TNRC6B: variants seen among roughly 807,000 people sequenced by gnomAD.
The protein encoded by TNRC6B is trinucleotide repeat-containing gene 6B protein.
Under a neutral mutation model 203.6 loss-of-function variants are expected in TNRC6B, and 52 were observed. That is an observed-to-expected ratio of 0.26 (90% confidence interval 0.20 to 0.32). The LOEUF is 0.32. Among genes scored for constraint, TNRC6B ranks in the 10% least tolerant of loss-of-function variants. The probability of loss-of-function intolerance (pLI) is 1.00; values close to 1 mark genes in which losing one functional copy is unlikely to be tolerated. For synonymous variants in TNRC6B, 838 were observed against 845.7 expected (o/e 0.99, Z 0.16); for missense variants, 1,923 against 2,286.2 (o/e 0.84, Z 3.24).
intron 2 of TNRC6B, among the ~76,000 whole-genome samples, chr22:40,124,413 C>T (rs1055224859): frequency 6.6e-6 from 1 of 151,112 alleles, no homozygotes; most frequent in African/African-American, 2.4e-5. Context: ...GCCTTGACCT[C>T]CTGGACTCAA....
chr22:40,303,745 A>T (rs1332499142), intron 15 of TNRC6B, among the ~76,000 whole-genome samples: 2 of 152,060 alleles, frequency 1.3e-5, no homozygotes, highest in African/African-American at 4.8e-5. Context: ...CCCCGTCTCT[A>T]CTAAAAATAC....
At chr22:40,259,724 ATAGAT>A (rs1276009385) in intron 3 of TNRC6B, among the ~76,000 whole-genome samples, 3 of 152,178 alleles carry the variant, frequency 2.0e-5, no homozygotes, top group Non-Finnish European at 4.4e-5. Context: ...CAGTAGTGGC[ATAGAT>A]TGGGCCGCCT....
At chr22:40,050,392 T>G (rs1194374473) in intron 1 of TNRC6B, among the ~76,000 whole-genome samples, 1 of 152,202 alleles carries the variant, frequency 6.6e-6, no homozygotes, top group Non-Finnish European at 1.5e-5. Context: ...CTGAGCATCT[T>G]AACTGCAAGG....
chr22:40,086,097 C>A (rs1393247085), intron 1 of TNRC6B, among the ~76,000 whole-genome samples: 1 of 152,128 alleles, frequency 6.6e-6, no homozygotes, highest in African/African-American at 2.4e-5. Context: ...TCTTGAGCTC[C>A]TGGGCTCAAG....
intron 3 of TNRC6B, among the ~76,000 whole-genome samples, chr22:40,139,667 T>G (rs896408145): frequency 4.6e-5 from 7 of 152,306 alleles, no homozygotes; most frequent in African/African-American, 1.7e-4. Context: ...TTGATGAATA[T>G]TTGGATGATT....
At chr22:40,239,828 TC>T (rs2070003167) in intron 1 of TNRC6B, among the ~76,000 whole-genome samples, 1 of 152,096 alleles carries the variant, frequency 6.6e-6, no homozygotes, top group South Asian at 2.1e-4. Flanking sequence ...TTGGGTATTT[TC>T]TTTTTTTGTT....
At chr22:40,080,519 A>G (rs1030077428) in intron 1 of TNRC6B, among the ~76,000 whole-genome samples, 28 of 152,164 alleles carry the variant, frequency 1.8e-4, no homozygotes, top group Non-Finnish European at 3.8e-4. Context: ...CACATTTCTT[A>G]TGATAAGATA....
rs1203433269 is a variant in TNRC6B at position 40,217,155 on chromosome 22, C to G, written c.6-28860C>G. Among the ~76,000 whole-genome samples the G allele has an allele frequency of 2.0e-5, 3 of 152,170 alleles. No homozygotes were observed. In the East Asian group the frequency reaches 5.8e-4, roughly 29 times the overall value. On this transcript the variant is annotated intron_variant, in intron 1 of 22. Coordinates refer to ENST00000454349, the MANE Select transcript of TNRC6B (RefSeq NM_001162501.2). ...TCCTCCTAACCTTGGAAGCATTTCC[C>G]TCATTGTTCCTTGTCTTCATTACTG...
At chr22:40,173,674 A>G (rs2069025637), upstream of TNRC6B, among the ~76,000 whole-genome samples, 1 of 148,762 alleles carries the variant, frequency 6.7e-6, no homozygotes, top group Admixed American at 6.7e-5. Context: ...TTGGCCTCCC[A>G]AAGTGCTGGG....
chr22:40,317,451 G>T (rs944448697), intron 21 of TNRC6B, among the ~76,000 whole-genome samples: 1 of 152,164 alleles, frequency 6.6e-6, no homozygotes, highest in Non-Finnish European at 1.5e-5. Context: ...AGTGGCACAC[G>T]CCTGTAGTCC....
chr22:40,125,257 A>T (rs879841039), intron 2 of TNRC6B, among the ~76,000 whole-genome samples: 2 of 152,204 alleles, frequency 1.3e-5, no homozygotes, highest in Non-Finnish European at 2.9e-5. Context: ...AAAAATGAAA[A>T]GTGGGGCCAG....
intron 1 of TNRC6B, among the ~76,000 whole-genome samples, chr22:40,224,011 G>C (rs1214409449): frequency 6.6e-6 from 1 of 151,910 alleles, no homozygotes; most frequent in Non-Finnish European, 1.5e-5. Flanking sequence ...GTGTTGTTTT[G>C]TTTTGTTTTT....
intron 1 of TNRC6B, among the ~76,000 whole-genome samples, chr22:40,102,733 T>A (rs1398014060): frequency 1.3e-5 from 2 of 151,434 alleles, no homozygotes; most frequent in Non-Finnish European, 2.9e-5. Context: ...AGGCCAGGAG[T>A]TAAGAGACCA....
At chr22:40,174,718 G>A (rs575930902), upstream of TNRC6B, among the ~76,000 whole-genome samples, 1 of 151,956 alleles carries the variant, frequency 6.6e-6, no homozygotes, top group Non-Finnish European at 1.5e-5. Flanking sequence ...CCAGCTATTC[G>A]GGAGGCTGAG....
intron 17 of TNRC6B, 55 bp from the exon 18 acceptor site, chr22:40,312,450 A>G (rs1341767532): frequency 3.2e-6 from 5 of 1,543,576 alleles, no homozygotes; most frequent in East Asian, 2.3e-5. Flanking sequence ...AAAAAGTACT[A>G]TATCATTTTT....
intron 1 of TNRC6B, among the ~76,000 whole-genome samples, chr22:40,215,420 C>G (rs538202013): frequency 2.6e-5 from 4 of 152,206 alleles, no homozygotes; most frequent in African/African-American, 9.7e-5. Context: ...GCAGTGCCAA[C>G]GGGGCAGGAG....
chr22:40,126,484 T>G (rs2068494185), intron 3 of TNRC6B, among the ~76,000 whole-genome samples: 1 of 151,714 alleles, frequency 6.6e-6, no homozygotes, highest in Admixed American at 6.6e-5. Context: ...CACTTATAAG[T>G]GAGAACATGC....
chr22:40,061,627 GCCTT>G (rs1451760196), intron 1 of TNRC6B, among the ~76,000 whole-genome samples: 2 of 149,702 alleles, frequency 1.3e-5, no homozygotes, highest in Non-Finnish European at 3.0e-5. Flanking sequence ...TTCTTTTTCT[GCCTT>G]CCTTTTCCCT....
chr22:40,288,667 C>T (rs981918213), intron 12 of TNRC6B, among the ~76,000 whole-genome samples: 6 of 151,802 alleles, frequency 4.0e-5, no homozygotes, highest in Middle Eastern at 3.4e-3. Context: ...CTCAGCCTCC[C>T]GAGTAGCTGG....
Sources: allele counts gnomAD v4.1 joint callset (sites outside exome capture counted in the v4.1 genomes callset), GRCh38; gene constraint gnomAD v4.1.1; transcripts MANE v1.5; gene names NCBI Gene and HGNC (gene_info 2026-07-23, HGNC 2026-07-21).